The following GSE1 variants were observed in gnomAD, a reference collection of about 807,000 sequenced individuals.
The protein encoded by GSE1 is genetic suppressor element 1.
In GSE1, 32 loss-of-function variants were observed where a neutral mutation model predicts 112.6. The observed-to-expected ratio is 0.28, with a 90% CI of 0.21 to 0.38. The LOEUF is 0.38. Ranked by LOEUF, GSE1 falls within the 10% of genes least tolerant of loss-of-function variation. GSE1 has a pLI of 1.00. For missense variants in GSE1, 2,348 were observed against 1,699.2 expected, an observed-to-expected ratio of 1.38 and a Z score of -6.71; for synonymous variants, 1,115 against 735.6, an observed-to-expected ratio of 1.52 and a Z score of -8.35.
chr16:85,301,270 T>G (rs2045516803), intron 1 of GSE1, among the ~76,000 whole-genome samples: 1 of 152,102 alleles, frequency 6.6e-6, no homozygotes, highest in African/African-American at 2.4e-5. Flanking sequence ...GTGCCCTTGG[T>G]GAATGTTTGC....
intron 1 of GSE1, among the ~76,000 whole-genome samples, chr16:85,614,158 C>G (rs1262103543): frequency 2.6e-5 from 4 of 151,888 alleles, no homozygotes; most frequent in African/African-American, 7.3e-5. Flanking sequence ...CGCCGCCCCC[C>G]ACCCGCACTG....
At chr16:85,374,736 G>A (rs569052583) in intron 2 of GSE1, among the ~76,000 whole-genome samples, 9 of 152,276 alleles carry the variant, frequency 5.9e-5, no homozygotes, top group Non-Finnish European at 1.2e-4. Context: ...TGCTGGTTTG[G>A]TGAGGGCTGT....
chr16:85,455,345 C>G (rs1401813861), intron 2 of GSE1, among the ~76,000 whole-genome samples: 1 of 151,866 alleles, frequency 6.6e-6, no homozygotes, highest in African/African-American at 2.4e-5. Flanking sequence ...CACTGCCACT[C>G]CAGCCTGGGA....
At chr16:85,448,924 C>T (rs561566994) in intron 2 of GSE1, among the ~76,000 whole-genome samples, 3 of 152,312 alleles carry the variant, frequency 2.0e-5, no homozygotes, top group African/African-American at 7.2e-5. Context: ...CATCTCTACG[C>T]GCAGCAATTG....
At chr16:85,485,115 A>T (rs910587641) in intron 2 of GSE1, among the ~76,000 whole-genome samples, 5 of 152,206 alleles carry the variant, frequency 3.3e-5, no homozygotes, top group Non-Finnish European at 5.9e-5. Context: ...AGCAGGATTT[A>T]TGGTTGTCAG....
intron 1 of GSE1, among the ~76,000 whole-genome samples, chr16:85,584,784 G>A (rs952658783): frequency 4.6e-5 from 7 of 152,168 alleles, no homozygotes; most frequent in Non-Finnish European, 8.8e-5. Context: ...CCCTCTGGCC[G>A]GAAAAGTTGG....
rs74415561 is a variant in GSE1 at position 85,518,731 on chromosome 16, G to A, written c.2465-115183G>A. On this transcript the variant is annotated intron_variant, in intron 2 of 2. Transcript: ENST00000637419. ...TTAAATCACCCAGCAAGCAGGGGAC[G>A]TGCTCTCAGGTGTGCCCAGAGCTGC... Among the ~76,000 whole-genome samples, 209 of 152,104 alleles carry A rather than the reference G, an allele frequency of 1.4e-3. 3 individuals are homozygous for A. The highest frequency in any genetic ancestry group is 0.013 in the Admixed American group (199 of 15,272).
At chr16:85,517,395 G>A (rs1392111276) in intron 2 of GSE1, among the ~76,000 whole-genome samples, 4 of 152,354 alleles carry the variant, frequency 2.6e-5, no homozygotes, top group South Asian at 2.1e-4. Flanking sequence ...GACCAAGTGA[G>A]TTCTGCACAT....
chr16:85,655,154 C>T (rs1171393453), intron 5 of GSE1, among the ~76,000 whole-genome samples, 163 bp downstream of exon 5: 2 of 152,202 alleles, frequency 1.3e-5, no homozygotes, highest in Non-Finnish European at 2.9e-5. Flanking sequence ...AAATTCAGCC[C>T]TGATGGCCCA....
In GSE1 at chr16:85,657,563, G is replaced by A. The variant is rs371959935; in HGVS notation, c.1599G>A (p.Pro533=). The change falls in exon 8 of 16, where the codon CCG becomes CCA. Residue 533 remains proline, a synonymous_variant. Coordinates refer to ENST00000253458, the MANE Select transcript of GSE1 (RefSeq NM_014615.5). ...AGCACCTGGATATGGGCCGGCCCCC[G>A]GTGCCGGCGGAGGCAGAGCACAGGC... ...LEQHLDMGRP[P]VPAEAEHRPE... is the part of the protein sequence containing the mutation. 28 of 1,573,292 alleles carry A rather than the reference G, an allele frequency of 1.8e-5. No homozygotes were observed. The highest frequency in any genetic ancestry group is 2.3e-5 in the East Asian group (1 of 44,066).
intron 1 of GSE1, among the ~76,000 whole-genome samples, chr16:85,357,108 T>A (rs1263719793): frequency 6.6e-6 from 1 of 152,212 alleles, no homozygotes; most frequent in Non-Finnish European, 1.5e-5. Context: ...GGGCTTAGCC[T>A]CAGGCTCCCT....
chr16:85,197,146 C>G (rs1396238647), intron 1 of GSE1, among the ~76,000 whole-genome samples: 1 of 152,130 alleles, frequency 6.6e-6, no homozygotes, highest in South Asian at 2.1e-4. Context: ...CCTGGCCCCT[C>G]GGAGCTCGGA....
chr16:85,497,315 C>G (rs112070152), intron 2 of GSE1, among the ~76,000 whole-genome samples: 2 of 152,202 alleles, frequency 1.3e-5, no homozygotes, highest in African/African-American at 4.8e-5. Flanking sequence ...CATTGGGACT[C>G]TCGTGGCAGC....
Position 85,218,524 on chromosome 16 carries a change from G to A in GSE1, c.2283+46717G>A, listed in dbSNP as rs529800889. 2.6e-5 allele frequency among the ~76,000 whole-genome samples: 4 copies of A among 152,358 alleles called. No homozygotes were observed. The South Asian group carries it at 8.3e-4, about 32-fold the overall frequency. On this transcript the variant is annotated intron_variant, in intron 1 of 2. Transcript: ENST00000637419. Reference sequence around the variant, plus strand: ...GACGTGCCGCTCGTAGTGGTAAAACGCGGCCTTTGGAGCAGTGAACCTGGG... The same window carrying A: ...GACGTGCCGCTCGTAGTGGTAAAACACGGCCTTTGGAGCAGTGAACCTGGG...
intron 2 of GSE1, among the ~76,000 whole-genome samples, chr16:85,414,990 G>C (rs2048671690): frequency 6.6e-6 from 1 of 152,026 alleles, no homozygotes; most frequent in South Asian, 2.1e-4. Flanking sequence ...TGTTGCCTAG[G>C]CTAGAGTGCA....
At chr16:85,281,804 T>G (rs2151424149) in intron 1 of GSE1, among the ~76,000 whole-genome samples, 1 of 152,260 alleles carries the variant, frequency 6.6e-6, no homozygotes, top group East Asian at 1.9e-4. Flanking sequence ...GCTTCCAAGC[T>G]TATCATTGCC....
chr16:85,514,138 C>G (rs1598020575), intron 2 of GSE1, among the ~76,000 whole-genome samples: 1 of 151,890 alleles, frequency 6.6e-6, no homozygotes, highest in East Asian at 1.9e-4. Context: ...GAACCCCTTG[C>G]CCACCCAGCC....
Position 85,557,437 on chromosome 16 carries a change from G to A in GSE1, c.37+1074G>A, listed in dbSNP as rs2045289677. ...GGGGAGGGTGATGTGGGGGTGTAGG[G>A]AGGAGAGGGGAAGTTCCTAGTTTTC... On this transcript the variant is annotated intron_variant, in intron 1 of 2. Transcript: ENST00000635906. Among the ~76,000 whole-genome samples the A allele has an allele frequency of 2.6e-5, 4 of 152,216 alleles. No individual in the cohort carries two copies. In the South Asian group the frequency reaches 8.3e-4, roughly 31 times the overall value.
chr16:85,491,753 C>T (rs1372247377), intron 2 of GSE1, among the ~76,000 whole-genome samples: 8 of 152,230 alleles, frequency 5.3e-5, no homozygotes, highest in African/African-American at 1.7e-4. Flanking sequence ...CAGGTCTCAG[C>T]GCCACAGTCT....
Sources: allele counts gnomAD v4.1 joint callset (sites outside exome capture counted in the v4.1 genomes callset), GRCh38; gene constraint gnomAD v4.1.1; transcripts MANE v1.5; gene names NCBI Gene and HGNC (gene_info 2026-07-23, HGNC 2026-07-21).